Variants in CDK8 observed in about 807,000 individuals in gnomAD.
CDK8 encodes the protein cyclin-dependent kinase 8.
A neutral mutation model predicts 71.5 loss-of-function variants in CDK8; 29 were observed. The observed-to-expected ratio is 0.41, with a 90% CI of 0.30 to 0.55. The LOEUF is 0.55. CDK8 is among the 20% of genes least tolerant of loss of function. CDK8 has a pLI of 0.37. For missense variants in CDK8, 288 were observed against 572.6 expected, an observed-to-expected ratio of 0.50 and a Z score of 5.07; for synonymous variants, 161 against 192.1, an observed-to-expected ratio of 0.84 and a Z score of 1.34.
At chr13:26,268,256 A>AACACAC (rs3027999) in intron 1 of CDK8, among the ~76,000 whole-genome samples, 1,601 of 116,750 alleles carry the variant, frequency 0.014, 68 homozygotes, top group African/African-American at 0.046. Flanking sequence ...CCCCTCCCCC[A>AACACAC]ACACACACAC....
chr13:26,403,902 T>A, intron 12 of CDK8, 54 bp from the exon 13 acceptor site: 1 of 1,594,664 alleles, frequency 6.3e-7, no homozygotes, highest in South Asian at 1.1e-5. Context: ...CATATTGGGA[T>A]TGAGCTTCCC....
intron 1 of CDK8, among the ~76,000 whole-genome samples, chr13:26,316,738 G>C (rs1346654907): frequency 6.6e-6 from 1 of 152,060 alleles, no homozygotes; most frequent in Non-Finnish European, 1.5e-5. Context: ...GATTTCTAGA[G>C]TTACTACATT....
At chr13:26,258,120 T>C (rs547138569) in intron 1 of CDK8, among the ~76,000 whole-genome samples, 1 of 152,310 alleles carries the variant, frequency 6.6e-6, no homozygotes, top group Non-Finnish European at 1.5e-5. Context: ...TATTTTTCAG[T>C]TTTCCAGTTG....
intron 1 of CDK8, among the ~76,000 whole-genome samples, chr13:26,293,974 A>T (rs1373890246): frequency 1.3e-5 from 2 of 152,106 alleles, no homozygotes; most frequent in Non-Finnish European, 2.9e-5. Flanking sequence ...CTCTACTTTT[A>T]TAAGTTCCAC....
intron 1 of CDK8, among the ~76,000 whole-genome samples, chr13:26,266,123 GC>G (rs66942860): frequency 0.054 from 8,161 of 152,246 alleles, 265 homozygotes; most frequent in South Asian, 0.07. Context: ...CATTCACATA[GC>G]CAAAACAGAA....
chr13:26,394,804 C>CT (rs1450551259), intron 7 of CDK8, among the ~76,000 whole-genome samples: 1 of 152,134 alleles, frequency 6.6e-6, no homozygotes, highest in Non-Finnish European at 1.5e-5. Context: ...TTCTTGAGTA[C>CT]TAGAGACATG....
intron 4 of CDK8, among the ~76,000 whole-genome samples, chr13:26,369,908 T>A (rs193165779): frequency 6.6e-6 from 1 of 152,110 alleles, no homozygotes; most frequent in East Asian, 1.9e-4. Flanking sequence ...TGTTATGCTA[T>A]TTAGATGCTC....
intron 1 of CDK8, among the ~76,000 whole-genome samples, chr13:26,261,646 C>T (rs1323485249): frequency 6.6e-6 from 1 of 152,104 alleles, no homozygotes; most frequent in East Asian, 1.9e-4. Context: ...TACTTCATAC[C>T]TTTCTATGGC....
chr13:26,367,013 T>C (rs1194410661), intron 4 of CDK8, among the ~76,000 whole-genome samples: 1 of 152,194 alleles, frequency 6.6e-6, no homozygotes, highest in Non-Finnish European at 1.5e-5. Context: ...TGGTCGAACA[T>C]TTCCATCATG....
At position 26,334,708 on chromosome 13, in the gene CDK8, A is replaced by G. The variant is rs116011271; in HGVS notation, c.129-2859A>G. On this transcript the variant is annotated intron_variant, in intron 1 of 12. Transcript: ENST00000381527. ...TGTTACGTTTTAGTAATAATTTAAAATAATAAAGTATTAAATTGACTTAAA... is the reference window on the plus strand; with the variant it reads ...TGTTACGTTTTAGTAATAATTTAAAGTAATAAAGTATTAAATTGACTTAAA... Among the ~76,000 whole-genome samples the G allele has an allele frequency of 6.6e-3, 1,000 of 152,340 alleles. 9 individuals carry two copies. Among genetic ancestry groups the G allele is most frequent in the African/African-American group, 0.021 (866 of 41,578 alleles).
chr13:26,326,574 G>A (rs777130002), intron 1 of CDK8, among the ~76,000 whole-genome samples: 4 of 152,144 alleles, frequency 2.6e-5, no homozygotes, highest in Non-Finnish European at 4.4e-5. Context: ...CAGAAGTCTT[G>A]GGTAGAAGCT....
At chr13:26,350,592 C>T (rs527775762) in intron 3 of CDK8, among the ~76,000 whole-genome samples, 6 of 152,148 alleles carry the variant, frequency 3.9e-5, no homozygotes, top group South Asian at 4.1e-4. Flanking sequence ...CACTCCAGCC[C>T]GGCTAATTTT....
intron 1 of CDK8, among the ~76,000 whole-genome samples, chr13:26,314,241 C>G (rs939911698): frequency 1.3e-5 from 2 of 151,976 alleles, no homozygotes; most frequent in Non-Finnish European, 2.9e-5. Context: ...GGTGATAAGT[C>G]TTACGAAATA....
At chr13:26,256,359 C>T (rs1005368944) in intron 1 of CDK8, among the ~76,000 whole-genome samples, 2 of 152,134 alleles carry the variant, frequency 1.3e-5, no homozygotes, top group Non-Finnish European at 1.5e-5. Context: ...ACCATCTCCC[C>T]TTCCCCCAGT....
intron 1 of CDK8, among the ~76,000 whole-genome samples, chr13:26,284,045 G>A (rs1026773846): frequency 6.6e-6 from 1 of 152,094 alleles, no homozygotes; most frequent in Non-Finnish European, 1.5e-5. Flanking sequence ...AGTGATCTTT[G>A]GCTTAACAAT....
chr13:26,380,756 C>T (rs1364657016), intron 4 of CDK8, among the ~76,000 whole-genome samples: 1 of 152,222 alleles, frequency 6.6e-6, no homozygotes, highest in Non-Finnish European at 1.5e-5. Context: ...GCTGGCATTA[C>T]AGGCGTGAGC....
chr13:26,257,533 G>C (rs1871576857), intron 1 of CDK8, among the ~76,000 whole-genome samples: 1 of 152,064 alleles, frequency 6.6e-6, no homozygotes, highest in South Asian at 2.1e-4. Context: ...GTTCTCACTC[G>C]TGTCGCCGTA....
chr13:26,296,442 G>GC (rs1197507238), intron 1 of CDK8, among the ~76,000 whole-genome samples: 5 of 152,154 alleles, frequency 3.3e-5, no homozygotes, highest in African/African-American at 9.7e-5. Flanking sequence ...AGTAAAGAAG[G>GC]TTGATGTGAA....
At chr13:26,327,556 C>T (rs183637375) in intron 1 of CDK8, among the ~76,000 whole-genome samples, 34 of 152,260 alleles carry the variant, frequency 2.2e-4, no homozygotes, top group African/African-American at 3.4e-4. Flanking sequence ...CAACCAGGTG[C>T]GGTGGCTCAT....
Sources: gnomAD v4.1 joint callset for allele counts (sites outside exome capture counted in the v4.1 genomes callset) on GRCh38, gnomAD v4.1.1 for gene constraint, MANE v1.5 for transcripts, NCBI Gene and HGNC (gene_info 2026-07-23, HGNC 2026-07-21) for gene names.